RAB44: variants seen among roughly 807,000 people sequenced by gnomAD.
The protein encoded by RAB44 is RAB44, member RAS oncogene family.
A neutral mutation model predicts 93.3 loss-of-function variants in RAB44; 67 were observed. The ratio of observed to expected loss-of-function variants is 0.72; its 90% CI spans 0.59 to 0.88. The LOEUF (loss-of-function observed/expected upper bound fraction) is 0.88, where lower values mean the gene tolerates loss of function less well. Ranked by LOEUF, RAB44 falls within the 40% of genes least tolerant of loss-of-function variation. The pLI, the probability that RAB44 is intolerant of heterozygous loss-of-function variation, is 0.00. For synonymous variants in RAB44, 427 were observed against 520.3 expected (o/e 0.82, Z 2.44); for missense variants, 1,064 against 1,261.7 (o/e 0.84, Z 2.37).
Position 36,730,763 on chromosome 6 carries a change from G to GCCCCCCCCCCCC in RAB44, c.2975+20_2975+21insCCCCCCCCCCCC. 1 of 1,100,678 alleles carries GCCCCCCCCCCCC rather than the reference G, an allele frequency of 9.1e-7. No homozygotes were observed. The highest frequency in any genetic ancestry group is 1.1e-6 in the Non-Finnish European group (1 of 907,658). 68.2% of individuals were successfully genotyped at this position (1,100,678 alleles called of 1,614,324 possible). ...AAACCTGGCCAGGTAAGTGCTGCCCGCCCCCCGCCGCCCCCACCCCCCCCC... is the reference window on the plus strand; with the variant it reads ...AAACCTGGCCAGGTAAGTGCTGCCCGCCCCCCCCCCCCCCCCCCGCCGCCCCCACCCCCCCCC... On this transcript the variant is annotated intron_variant, in intron 13 of 13. Coordinates refer to ENST00000612677, the MANE Select transcript of RAB44 (RefSeq NM_001257357.2).
At chr6:36,709,938 A>G (rs1762740733) in intron 2 of RAB44, among the ~76,000 whole-genome samples, 1 of 152,242 alleles carries the variant, frequency 6.6e-6, no homozygotes, top group Non-Finnish European at 1.5e-5. Context: ...ACTGTCTTAT[A>G]CAAGCATTTT....
At chr6:36,715,108 T>TAC (rs2150332354) in intron 3 of RAB44, among the ~76,000 whole-genome samples, 1 of 151,724 alleles carries the variant, frequency 6.6e-6, no homozygotes, top group African/African-American at 2.4e-5. Context: ...TTAAAATATA[T>TAC]ATATATATAT....
At chr6:36,725,087 C>A (rs1469166061) in intron 9 of RAB44, among the ~76,000 whole-genome samples, 1 of 152,204 alleles carries the variant, frequency 6.6e-6, no homozygotes, top group Non-Finnish European at 1.5e-5. Flanking sequence ...AAGTTAAGGC[C>A]ACCTACCTTA....
intron 11 of RAB44, 37 bp downstream of exon 11, chr6:36,727,728 C>CTTGA: frequency 2.9e-6 from 4 of 1,360,364 alleles, no homozygotes; most frequent in Non-Finnish European, 4.1e-6. Context: ...CCCAGTCCCT[C>CTTGA]CAGTCAAGAG....
chr6:36,705,855 A>T (rs79410685), intron 2 of RAB44, among the ~76,000 whole-genome samples: 3,487 of 151,910 alleles, frequency 0.023, 113 homozygotes, highest in African/African-American at 0.074. Flanking sequence ...TTCTGTCTGG[A>T]CGCTTTCATA....
At chr6:36,718,803 T>C (rs2150335226) in intron 7 of RAB44, among the ~76,000 whole-genome samples, 1 of 152,258 alleles carries the variant, frequency 6.6e-6, no homozygotes, top group Admixed American at 6.5e-5. Flanking sequence ...CCTAGCTTCC[T>C]GCTTAGGGTC....
chr6:36,709,019 A>T (rs1762716905), intron 2 of RAB44, among the ~76,000 whole-genome samples: 1 of 152,062 alleles, frequency 6.6e-6, no homozygotes, highest in Non-Finnish European at 1.5e-5. Context: ...ATCTTGGCTC[A>T]CTGCAACCTC....
At chr6:36,728,672 T>C in intron 11 of RAB44, 28 bp from the exon 12 acceptor site, 3 of 1,537,786 alleles carry the variant, frequency 2.0e-6, no homozygotes, top group Non-Finnish European at 2.6e-6. Flanking sequence ...ACAGTGGGTG[T>C]GGCTGACAGA....
At position 36,704,105 on chromosome 6, in the gene RAB44, G is replaced by A. The variant is rs900164551; in HGVS notation, c.-12-119G>A. Reference sequence around the variant, plus strand: ...GGACCCGGCGGGACACCATCAGGCCGGGCTTTGGCAGCCACAGTGGATTTT... The same window carrying A: ...GGACCCGGCGGGACACCATCAGGCCAGGCTTTGGCAGCCACAGTGGATTTT... On this transcript the variant is annotated intron_variant, in intron 1 of 13. Coordinates refer to ENST00000612677, the MANE Select transcript of RAB44 (RefSeq NM_001257357.2). The A allele has an allele frequency of 4.1e-5, 37 of 905,448 alleles. No individual in the cohort carries two copies. In the African/African-American group the frequency reaches 5.1e-4, roughly 13 times the overall value. 56.1% of individuals were successfully genotyped at this position (905,448 alleles called of 1,614,324 possible). A position where few individuals can be genotyped will look rare whatever the true frequency, so the allele number is the denominator to read the frequency against.
chr6:36,723,696 A>G (rs1479845473), intron 9 of RAB44, among the ~76,000 whole-genome samples: 2 of 151,890 alleles, frequency 1.3e-5, no homozygotes, highest in African/African-American at 2.4e-5. Flanking sequence ...TTAGCCGGGC[A>G]TGGTGGCGGT....
rs144184750 is a variant in RAB44 at position 36,731,940 on chromosome 6, G to A, written c.2976-63G>A. On this transcript the variant is annotated intron_variant, in intron 13 of 13. Transcript: ENST00000612677. The surrounding 1 kb of genome is among the most constrained non-coding windows in gnomAD (Gnocchi z 4.0). ...CCTCCCACCCCCCAGCTGCACCCAT[G>A]GGCCCATCCGTGCTGCCCGTAGGAG... is the stretch of plus-strand genomic sequence containing the variant. The A allele has an allele frequency of 6.6e-4, 731 of 1,110,482 alleles. 2 individuals carry two copies. In the African/African-American group the frequency reaches 0.011, roughly 16 times the overall value. The allele number at this position is 1,110,482 out of a possible 1,614,324, so 68.8% of individuals were successfully genotyped here.
intron 11 of RAB44, 132 bp downstream of exon 11, chr6:36,727,823 G>C (rs746113288): frequency 1.4e-4 from 95 of 674,232 alleles, no homozygotes; most frequent in Non-Finnish European, 2.4e-4. Context: ...CCCACTGAGG[G>C]CATGTGGTTG....
rs1763394248 is a variant in RAB44, at chr6:36,733,016, A to G, written c.*923A>G. The G allele has an allele frequency of 6.6e-6, 1 of 152,220 alleles. No homozygotes were observed. The highest frequency in any genetic ancestry group is 2.4e-5 in the African/African-American group (1 of 41,444). The allele number at this position is 152,220 out of a possible 1,614,324, so 9.4% of individuals were successfully genotyped here. A position where few individuals can be genotyped will look rare whatever the true frequency, so the allele number is the denominator to read the frequency against. On this transcript the variant is annotated 3_prime_UTR_variant, in exon 14 of 14. Transcript: ENST00000612677. ...CTTTTGTGGAAGTTTCCAGAATTCC[A>G]TAATATTCACCTCCTGAATGGTGGC...
intron 1 of RAB44, among the ~76,000 whole-genome samples, chr6:36,700,056 C>T (rs146164011): frequency 3.3e-5 from 5 of 152,108 alleles, no homozygotes; most frequent in Non-Finnish European, 7.4e-5. Flanking sequence ...AAATTTACAA[C>T]AAAAACGAGC....
rs1763394376 is a variant in RAB44, at chr6:36,733,022, T to G, written c.*929T>G. ...TGGAAGTTTCCAGAATTCCATAATATTCACCTCCTGAATGGTGGCTGCCCC... is the reference window on the plus strand; with the variant it reads ...TGGAAGTTTCCAGAATTCCATAATAGTCACCTCCTGAATGGTGGCTGCCCC... On this transcript the variant is annotated 3_prime_UTR_variant, in exon 14 of 14. Coordinates refer to ENST00000612677, the MANE Select transcript of RAB44 (RefSeq NM_001257357.2). 6.6e-6 allele frequency: 1 copy of G among 152,220 alleles called. No individual in the cohort carries two copies. Among genetic ancestry groups the G allele is most frequent in the South Asian group, 2.1e-4 (1 of 4,830 alleles). The allele number at this position is 152,220 out of a possible 1,614,324, so 9.4% of individuals were successfully genotyped here.
In RAB44 at chr6:36,718,532, G is replaced by T; in HGVS notation, c.772G>T (p.Asp258Tyr). 3 of 1,234,116 alleles carry T rather than the reference G, an allele frequency of 2.4e-6. No homozygotes were observed. Among genetic ancestry groups the T allele is most frequent in the Non-Finnish European group, 3.0e-6 (3 of 988,182 alleles). The allele number at this position is 1,234,116 out of a possible 1,614,324, so 76.4% of individuals were successfully genotyped here. A position where few individuals can be genotyped will look rare whatever the true frequency, so the allele number is the denominator to read the frequency against. The change falls in exon 7 of 14, where the codon GAC (aspartate) becomes TAC (tyrosine). Residue 258 changes from aspartate to tyrosine, a missense_variant. Coordinates refer to ENST00000612677, the MANE Select transcript of RAB44 (RefSeq NM_001257357.2). Reference protein sequence around the residue: ...RGLALTSQMQDVLEAKEREVQ... With the variant: ...RGLALTSQMQYVLEAKEREVQ... ...CCTGGCCCTCACCTCCCAGATGCAG[G>T]ACGTCCTAGAGGCCAAGGAGCGCGA... is the stretch of plus-strand genomic sequence containing the variant.
intron 12 of RAB44, 63 bp from the exon 13 acceptor site, chr6:36,730,585 GATGGCCGGGACTTTAGTGGCGGGGT>G: frequency 1.2e-6 from 1 of 819,020 alleles, no homozygotes. Context: ...TTGGGACTCT[GATGGCCGGGACTTTAGTGGCGGGGT>G]ATGGCCTGGC....
Position 36,728,811 on chromosome 6 carries a change from T to A in RAB44, c.2898+10T>A, listed in dbSNP as rs1763296706. On this transcript the variant is annotated intron_variant, in intron 12 of 13. Coordinates refer to ENST00000612677, the MANE Select transcript of RAB44 (RefSeq NM_001257357.2). ...GCAGCAACTGGCCCAGGTAAGCACT[T>A]GGGCATCAGCCCGTCTCTGTGCGTG... 2 of 1,547,706 alleles carry A rather than the reference T, an allele frequency of 1.3e-6. No homozygotes were observed. The highest frequency in any genetic ancestry group is 1.7e-6 in the Non-Finnish European group (2 of 1,144,414).
Position 36,725,925 on chromosome 6 carries a change from AC to A in RAB44, c.2664del (p.Asp888GlufsTer11). 1 of 1,550,698 alleles carries A rather than the reference AC, an allele frequency of 6.4e-7. No homozygotes were observed. The highest frequency in any genetic ancestry group is 8.7e-7 in the Non-Finnish European group (1 of 1,146,944). ...AAGTGCTTTGTGCTGCAGCTCTGGG[AC>A]ACAGCTGGCCAAGAGAGGTAACAGG... ...DNKCFVLQLW[D>X]TAGQERYHSM... On this transcript the variant is annotated frameshift_variant, in exon 10 of 14. Transcript: ENST00000612677. LOFTEE classifies it high-confidence loss of function.
Sources: allele counts gnomAD v4.1 joint callset (sites outside exome capture counted in the v4.1 genomes callset), GRCh38; gene constraint gnomAD v4.1.1; non-coding constraint Gnocchi (gnomAD v3.1); transcripts MANE v1.5; gene names NCBI Gene and HGNC (gene_info 2026-07-23, HGNC 2026-07-21).